The following NF2 variants were observed in gnomAD, a reference collection of about 807,000 sequenced individuals.
The protein encoded by NF2 is merlin.
In NF2, 8 loss-of-function variants were observed where a neutral mutation model predicts 83.7. The ratio of observed to expected loss-of-function variants is 0.10; its 90% CI spans 0.06 to 0.17. The LOEUF (loss-of-function observed/expected upper bound fraction) is 0.17. Ranked by LOEUF, NF2 falls within the 10% of genes least tolerant of loss-of-function variation. NF2 has a pLI of 1.00. For missense variants in NF2, 533 were observed against 744.4 expected (o/e 0.72, Z 3.31); for synonymous variants, 266 against 269.6 (o/e 0.99, Z 0.13).
At chr22:29,643,374 G>T (rs1431157553) in intron 4 of NF2, among the ~76,000 whole-genome samples, 2 of 151,938 alleles carry the variant, frequency 1.3e-5, no homozygotes, top group East Asian at 3.9e-4. Context: ...AATAGTGGAG[G>T]GAAGGTCAGC....
chr22:29,641,184 C>CG (rs1009347289), intron 3 of NF2, among the ~76,000 whole-genome samples: 1 of 152,006 alleles, frequency 6.6e-6, no homozygotes, highest in African/African-American at 2.4e-5. Context: ...CTTTTTCCCC[C>CG]CTCTCTTTGG....
intron 11 of NF2, among the ~76,000 whole-genome samples, chr22:29,672,659 A>G (rs1198665931): frequency 6.8e-6 from 1 of 147,498 alleles, no homozygotes; most frequent in Non-Finnish European, 1.5e-5. Context: ...CTTGTTGCCC[A>G]AGCTGGAGTG....
At chr22:29,684,638 T>C (rs146727586) in intron 15 of NF2, among the ~76,000 whole-genome samples, 2 of 152,370 alleles carry the variant, frequency 1.3e-5, no homozygotes, top group East Asian at 3.9e-4. Context: ...CATTTATTTA[T>C]TCATCCATTT....
chr22:29,606,592 A>C (rs1302799333), intron 1 of NF2, among the ~76,000 whole-genome samples: 1 of 152,176 alleles, frequency 6.6e-6, no homozygotes, highest in African/African-American at 2.4e-5. Flanking sequence ...GGAGAAATTC[A>C]TGCCTAAGGG....
rs554713355 is a variant in NF2, at chr22:29,696,178, A to G, written c.*1376A>G. On this transcript the variant is annotated 3_prime_UTR_variant, in exon 16 of 16. Coordinates refer to ENST00000338641, the MANE Select transcript of NF2 (RefSeq NM_000268.4). ...AACCTCCACCTCCTGAGTTCAAGCA[A>G]TTCTCCTGCCTCAGCCTCCCAAGTA... 1.0e-4 allele frequency: 23 copies of G among 219,952 alleles called. No homozygotes were observed. In the South Asian group the frequency reaches 4.1e-3, roughly 39 times the overall value. 13.6% of individuals were successfully genotyped at this position (219,952 alleles called of 1,614,324 possible).
At chr22:29,616,363 T>G (rs1370253878) in intron 1 of NF2, among the ~76,000 whole-genome samples, 2 of 152,180 alleles carry the variant, frequency 1.3e-5, no homozygotes, top group Non-Finnish European at 2.9e-5. Flanking sequence ...AGGCAAAATG[T>G]AAACAATGGG....
intron 1 of NF2, among the ~76,000 whole-genome samples, chr22:29,622,734 C>T (rs993755041): frequency 7.1e-6 from 1 of 140,604 alleles, no homozygotes; most frequent in African/African-American, 2.7e-5. Flanking sequence ...CTGCTCACTG[C>T]AACCTCCACC....
intron 1 of NF2, among the ~76,000 whole-genome samples, chr22:29,605,023 G>A (rs964583163): frequency 6.6e-5 from 10 of 152,100 alleles, no homozygotes; most frequent in Admixed American, 2.6e-4. Context: ...CTCTGTCACC[G>A]AGGCTGGCAT....
chr22:29,629,910 C>G (rs942538509), intron 1 of NF2, among the ~76,000 whole-genome samples: 2 of 152,158 alleles, frequency 1.3e-5, no homozygotes, highest in African/African-American at 4.8e-5. Flanking sequence ...GTTCTAATAC[C>G]TAGGCATTTC....
rs2067494984 is a variant in NF2, at chr22:29,694,646, T to C, written c.1738-106T>C. The C allele has an allele frequency of 2.5e-6, 3 of 1,197,810 alleles. No individual in the cohort carries two copies. Among genetic ancestry groups the C allele is most frequent in the Non-Finnish European group, 3.7e-6 (3 of 821,202 alleles). The allele number at this position is 1,197,810 out of a possible 1,614,324, so 74.2% of individuals were successfully genotyped here. ...GAGCATCTATTTGAACAGCCTTCCC[T>C]TTCGCTCCCAGCCACCTTTGAGGTG... On this transcript the variant is annotated intron_variant, in intron 15 of 15. Coordinates refer to ENST00000338641, the MANE Select transcript of NF2 (RefSeq NM_000268.4). This position sits in a 1 kb window ranked among gnomAD's most constrained non-coding sequence, Gnocchi z 4.1.
intron 10 of NF2, among the ~76,000 whole-genome samples, chr22:29,671,262 G>A (rs1385263474): frequency 1.3e-5 from 2 of 152,190 alleles, no homozygotes; most frequent in Admixed American, 6.5e-5. Context: ...CAGGCGCGGC[G>A]GCTCATGCCT....
Position 29,674,924 on chromosome 22 carries a change from A to T in NF2, c.1429A>T (p.Thr477Ser). 3 of 1,569,326 alleles carry T rather than the reference A, an allele frequency of 1.9e-6. No homozygotes were observed. The highest frequency in any genetic ancestry group is 2.6e-6 in the Non-Finnish European group (3 of 1,156,398). Residue 477 changes from threonine to serine, a missense_variant, in exon 13 of 16, where the codon ACC (threonine) becomes TCC (serine). By Grantham distance (58) the Thr-to-Ser change is moderately conservative. Transcript: ENST00000338641. ...RAKQKLLEIA[T>S]KPTYPPMNPI... Reference sequence around the variant, plus strand: ...CAAGCAGAAGCTCCTGGAGATTGCCACCAAGCCCACGTACCCGGTGAGCCT... The same window carrying T: ...CAAGCAGAAGCTCCTGGAGATTGCCTCCAAGCCCACGTACCCGGTGAGCCT...
At chr22:29,661,153 A>G in intron 7 of NF2, 52 bp from the exon 8 acceptor site, 1 of 1,613,470 alleles carries the variant, frequency 6.2e-7, no homozygotes, top group South Asian at 1.1e-5. Context: ...GGTTGAATAA[A>G]ATTTTGAGCC....
intron 4 of NF2, among the ~76,000 whole-genome samples, chr22:29,651,745 T>C (rs2066153376): frequency 1.3e-5 from 2 of 152,206 alleles, no homozygotes; most frequent in Admixed American, 6.5e-5. Flanking sequence ...ATGTGATGTA[T>C]TTGATCAGTG....
intron 8 of NF2, among the ~76,000 whole-genome samples, chr22:29,663,634 A>G (rs978480922): frequency 1.3e-5 from 2 of 152,238 alleles, no homozygotes; most frequent in South Asian, 4.1e-4. Flanking sequence ...CATGAATAGC[A>G]GCCTACACAA....
At chr22:29,674,753 CCCT>C in intron 12 of NF2, 80 bp from the exon 13 acceptor site, 1 of 1,225,558 alleles carries the variant, frequency 8.2e-7, no homozygotes, top group East Asian at 2.5e-5. Flanking sequence ...TAGCCCAGGT[CCCT>C]CCTCTGCAGG....
At chr22:29,674,393 G>A (rs1198876897) in intron 12 of NF2, among the ~76,000 whole-genome samples, 1 of 152,192 alleles carries the variant, frequency 6.6e-6, no homozygotes, top group African/African-American at 2.4e-5. Flanking sequence ...GTGGGCACAA[G>A]GCCCACTGGT....
chr22:29,695,901 C>T lies in NF2; in HGVS notation c.*1099C>T, dbSNP rs773367316. The T allele has an allele frequency of 4.3e-6, 1 of 233,500 alleles. No individual in the cohort carries two copies. The highest frequency in any genetic ancestry group is 6.0e-5 in the East Asian group (1 of 16,696). 14.5% of individuals were successfully genotyped at this position (233,500 alleles called of 1,614,324 possible). ...GAATTTTCTGTTCCCTGGGGGCCAG[C>T]CAGGGCCCTTTGTGCCCCTCCCAGC... On this transcript the variant is annotated 3_prime_UTR_variant, in exon 16 of 16. Transcript: ENST00000338641. This position sits in a 1 kb window ranked among gnomAD's most constrained non-coding sequence, Gnocchi z 5.4.
At chr22:29,644,505 T>C (rs1601594940) in intron 4 of NF2, among the ~76,000 whole-genome samples, 3 of 147,650 alleles carry the variant, frequency 2.0e-5, no homozygotes, top group East Asian at 2.1e-4. Flanking sequence ...CGCTCCTCAC[T>C]TCCCAGACGG....
Sources: allele counts gnomAD v4.1 joint callset (sites outside exome capture counted in the v4.1 genomes callset), GRCh38; gene constraint gnomAD v4.1.1; non-coding constraint Gnocchi (gnomAD v3.1); transcripts MANE v1.5; gene names NCBI Gene and HGNC (gene_info 2026-07-23, HGNC 2026-07-21).